ABR: variants seen among roughly 807,000 people sequenced by gnomAD.
ABR encodes active breakpoint cluster region-related protein.
Under a neutral mutation model 107.2 loss-of-function variants are expected in ABR, and 35 were observed. The ratio of observed to expected loss-of-function variants is 0.33; its 90% CI spans 0.25 to 0.43. The LOEUF (loss-of-function observed/expected upper bound fraction) is 0.43, where lower values mean the gene tolerates loss of function less well. Among genes scored for constraint, ABR ranks in the 20% least tolerant of loss-of-function variants. The pLI is 1.00. For synonymous variants in ABR, 498 were observed against 462.0 expected, an observed-to-expected ratio of 1.08 and a Z score of -1.00; for missense variants, 815 against 1,115.2, an observed-to-expected ratio of 0.73 and a Z score of 3.83.
chr17:1,016,039 T>A (rs958647589), intron 16 of ABR, among the ~76,000 whole-genome samples: 1 of 152,170 alleles, frequency 6.6e-6, no homozygotes, highest in African/African-American at 2.4e-5. Context: ...ACAAGAAATA[T>A]GTGAACAATG....
intron 1 of ABR, among the ~76,000 whole-genome samples, chr17:1,130,903 G>A (rs967029453): frequency 1.3e-5 from 2 of 152,220 alleles, no homozygotes; most frequent in South Asian, 2.1e-4. Context: ...AGCCTGGGGA[G>A]GGGCTGGGAC....
chr17:1,120,501 A>T (rs1420118596), intron 2 of ABR, among the ~76,000 whole-genome samples: 2 of 152,086 alleles, frequency 1.3e-5, no homozygotes, highest in Non-Finnish European at 2.9e-5. Context: ...ATGGTCTTGA[A>T]CTACTGATCT....
intron 16 of ABR, among the ~76,000 whole-genome samples, chr17:1,038,227 C>T (rs147882476): frequency 6.6e-6 from 1 of 152,304 alleles, no homozygotes; most frequent in Non-Finnish European, 1.5e-5. Context: ...ATCTACAGCT[C>T]AAACCTTAGG....
chr17:1,049,484 C>T (rs140253138), intron 16 of ABR, among the ~76,000 whole-genome samples: 334 of 152,224 alleles, frequency 2.2e-3, no homozygotes, highest in Non-Finnish European at 3.9e-3. Context: ...ACCCTTAACC[C>T]GAGGTGCAGC....
intron 9 of ABR, among the ~76,000 whole-genome samples, chr17:1,069,158 T>A (rs950174688): frequency 3.3e-5 from 5 of 152,030 alleles, no homozygotes; most frequent in African/African-American, 1.2e-4. Flanking sequence ...GAGCCCCAAA[T>A]TGGGCATTCA....
chr17:1,100,148 AAG>A (rs2037768176), intron 3 of ABR, among the ~76,000 whole-genome samples: 1 of 150,476 alleles, frequency 6.6e-6, no homozygotes, highest in Non-Finnish European at 1.5e-5. Flanking sequence ...AAAAAAAAAA[AAG>A]AACACAGCCT....
Position 1,050,782 on chromosome 17 carries a change from G to C in ABR, c.1562-148C>G. On this transcript the variant is annotated intron_variant, in intron 14 of 22. Coordinates refer to ENST00000302538, the MANE Select transcript of ABR (RefSeq NM_021962.5). The surrounding 1 kb of genome is among the most constrained non-coding windows in gnomAD (Gnocchi z 4.6). ...TTGGCTCTCTCCTCCCTGAAGCCCG[G>C]GACCATCTGGCTTCTCCCCTGCCCC... The C allele has an allele frequency of 1.5e-6, 1 of 682,314 alleles. No homozygotes were observed. The highest frequency in any genetic ancestry group is 1.7e-5 in the South Asian group (1 of 58,532). 42.3% of individuals were successfully genotyped at this position (682,314 alleles called of 1,614,324 possible). A position where few individuals can be genotyped will look rare whatever the true frequency, so the allele number is the denominator to read the frequency against.
intron 16 of ABR, among the ~76,000 whole-genome samples, chr17:1,036,567 C>T (rs1337769568): frequency 1.3e-5 from 2 of 149,766 alleles, no homozygotes; most frequent in Admixed American, 6.6e-5. Context: ...CCAGTGGCTC[C>T]TGCCCAAAGA....
At chr17:1,081,142 G>A (rs776205598) in intron 5 of ABR, among the ~76,000 whole-genome samples, 10 of 152,310 alleles carry the variant, frequency 6.6e-5, no homozygotes, top group South Asian at 2.1e-4. Flanking sequence ...GATCTTGGGC[G>A]GCCTTGGCAG....
Position 1,113,277 on chromosome 17 carries a change from G to GGTTTTTTTT in ABR, c.246+11905_246+11906insAAAAAAAAC, listed in dbSNP as rs1416563541. Reference sequence around the variant, plus strand: ...GGGATAACATGGAAACACCTATTGCGATTTTTTTTTTTTTTTTTTTTTTTT... The same window carrying GGTTTTTTTT: ...GGGATAACATGGAAACACCTATTGCGGTTTTTTTTATTTTTTTTTTTTTTTTTTTTTTTT... On this transcript the variant is annotated intron_variant, in intron 2 of 22. Transcript: ENST00000302538. Among the ~76,000 whole-genome samples the GGTTTTTTTT allele has an allele frequency of 2.7e-4, 24 of 88,208 alleles. 7 individuals carry two copies. Among genetic ancestry groups the GGTTTTTTTT allele is most frequent in the East Asian group, 3.3e-4 (1 of 2,998 alleles). The allele number at this position is 88,208 out of a possible 152,430, so 57.9% of individuals were successfully genotyped here.
At chr17:1,073,408 C>T (rs987702828) in intron 7 of ABR, among the ~76,000 whole-genome samples, 19 of 152,084 alleles carry the variant, frequency 1.2e-4, no homozygotes, top group Admixed American at 8.5e-4. Context: ...CCTGCCTCCC[C>T]GGGAGCACCT....
chr17:1,163,084 ATGAACATTAATCTTT>A (rs2041367962), intron 1 of ABR, among the ~76,000 whole-genome samples: 2 of 152,208 alleles, frequency 1.3e-5, no homozygotes, highest in South Asian at 4.1e-4. Context: ...AAAAAAGAAC[ATGAACATTAATCTTT>A]TGCTCCATTA....
chr17:1,212,568 A>G (rs2042923201), intron 1 of ABR, among the ~76,000 whole-genome samples: 1 of 152,046 alleles, frequency 6.6e-6, no homozygotes, highest in Non-Finnish European at 1.5e-5. Flanking sequence ...TGGCCTGGCC[A>G]ACATGGTGAA....
At chr17:1,123,663 G>A (rs553118763) in intron 2 of ABR, among the ~76,000 whole-genome samples, 1 of 152,338 alleles carries the variant, frequency 6.6e-6, no homozygotes, top group African/African-American at 2.4e-5. Context: ...TCCTGCAGCT[G>A]CTCACAGTGG....
chr17:1,179,929 C>G lies in ABR; in HGVS notation c.-202G>C, dbSNP rs1045483775. On this transcript the variant is annotated 5_prime_UTR_variant, in exon 1 of 23. Coordinates refer to ENST00000302538, the MANE Select transcript of ABR (RefSeq NM_021962.5). This position sits in a 1 kb window ranked among gnomAD's most constrained non-coding sequence, Gnocchi z 4.9. ...AGCCCCCAAAACCCTCCCGAACCCTCCCGGCCCCAGCGGCCGCGCCGAGCC... is the reference window on the plus strand; with the variant it reads ...AGCCCCCAAAACCCTCCCGAACCCTGCCGGCCCCAGCGGCCGCGCCGAGCC... The G allele has an allele frequency of 1.3e-4, 57 of 437,340 alleles. 3 individuals are homozygous for G. Among genetic ancestry groups the G allele is most frequent in the South Asian group, 8.9e-4 (9 of 10,060 alleles). The allele number at this position is 437,340 out of a possible 1,614,324, so 27.1% of individuals were successfully genotyped here. A position where few individuals can be genotyped will look rare whatever the true frequency, so the allele number is the denominator to read the frequency against.
intron 1 of ABR, among the ~76,000 whole-genome samples, chr17:1,219,163 C>T (rs1445584944): frequency 6.6e-6 from 1 of 152,112 alleles, no homozygotes; most frequent in East Asian, 1.9e-4. Flanking sequence ...CTGCCTCAGC[C>T]TCTCGAGTAG....
intron 16 of ABR, among the ~76,000 whole-genome samples, chr17:1,033,798 T>G (rs2072978951): frequency 6.6e-6 from 1 of 152,024 alleles, no homozygotes; most frequent in South Asian, 2.1e-4. Context: ...GGTAGGAACA[T>G]GCCTGTGTCC....
chr17:1,125,604 C>G, intron 1 of ABR: 2 of 369,714 alleles, frequency 5.4e-6, no homozygotes, highest in Non-Finnish European at 9.5e-6. Context: ...AGCGGCTCTG[C>G]TGTTGCTACC....
chr17:1,222,701 C>T (rs534946793), intron 1 of ABR, among the ~76,000 whole-genome samples: 3 of 152,182 alleles, frequency 2.0e-5, no homozygotes, highest in Non-Finnish European at 2.9e-5. Context: ...CACTTGAGCC[C>T]GGGAGTTCTA....
Sources: allele counts gnomAD v4.1 joint callset (sites outside exome capture counted in the v4.1 genomes callset), GRCh38; gene constraint gnomAD v4.1.1; non-coding constraint Gnocchi (gnomAD v3.1); transcripts MANE v1.5; gene names NCBI Gene and HGNC (gene_info 2026-07-23, HGNC 2026-07-21).